The following DEFB1 variants were observed in gnomAD, a reference collection of about 807,000 sequenced individuals.
The protein encoded by DEFB1 is beta-defensin 1.
In DEFB1, 4 loss-of-function variants were observed where a neutral mutation model predicts 2.6. That is an observed-to-expected ratio of 1.53 (90% CI 0.76 to 3.51). The LOEUF is 3.51. DEFB1 is among the 30% of genes most tolerant of loss of function. The pLI is 0.01. For missense variants in DEFB1, 162 were observed against 76.9 expected, an observed-to-expected ratio of 2.11 and a Z score of -4.14; for synonymous variants, 56 against 28.5, an observed-to-expected ratio of 1.96 and a Z score of -3.07.
chr8:6,877,704 C>G, intron 1 of DEFB1, 93 bp downstream of exon 1: 2 of 1,159,268 alleles, frequency 1.7e-6, no homozygotes, highest in Non-Finnish European at 2.6e-6. Context: ...GTTCCTCGTC[C>G]CTTGGGACAC....
chr8:6,872,357 C>T (rs747349548), intron 1 of DEFB1, among the ~76,000 whole-genome samples: 9 of 152,252 alleles, frequency 5.9e-5, no homozygotes, highest in Middle Eastern at 3.2e-3. Context: ...ATTGCAAGTG[C>T]TCACGAGCAC....
At chr8:6,873,078 G>T (rs566943839) in intron 1 of DEFB1, among the ~76,000 whole-genome samples, 3 of 152,230 alleles carry the variant, frequency 2.0e-5, no homozygotes, top group African/African-American at 7.2e-5. Context: ...TATATATGCT[G>T]ATTAAGCAGA....
intron 1 of DEFB1, among the ~76,000 whole-genome samples, chr8:6,871,363 G>GT (rs924152062): frequency 1.1e-4 from 17 of 151,574 alleles, no homozygotes; most frequent in African/African-American, 3.4e-4. Context: ...AACTTTCATA[G>GT]TTTTTTTTTC....
intron 1 of DEFB1, among the ~76,000 whole-genome samples, chr8:6,871,301 G>T (rs1318518399): frequency 1.3e-5 from 2 of 152,106 alleles, no homozygotes; most frequent in African/African-American, 2.4e-5. Flanking sequence ...CACTATTTCA[G>T]CTGAAATCTA....
intron 1 of DEFB1, among the ~76,000 whole-genome samples, chr8:6,875,383 G>A (rs1262923796): frequency 6.6e-6 from 1 of 152,072 alleles, no homozygotes; most frequent in Non-Finnish European, 1.5e-5. Context: ...ATTGACAAAA[G>A]GCTTGCATAG....
chr8:6,870,683 A>C lies in DEFB1; in HGVS notation c.205T>G (p.Ter69GlyextTer8). The C allele has an allele frequency of 2.5e-6, 4 of 1,613,666 alleles. No homozygotes were observed. The highest frequency in any genetic ancestry group is 3.3e-5 in the Admixed American group (2 of 59,862). The change falls in exon 2 of 2, where the codon TGA (stop) becomes GGA (glycine). Residue 69 changes from the stop codon to glycine (G), a stop_lost. Transcript: ENST00000297439. ...CYRGKAKCCK[*>G] Reference sequence around the variant, plus strand: ...CATTTCTTCTGGTCACTCCCAGCTCACTTGCAGCACTTGGCCTTCCCTCTG... The same window carrying C: ...CATTTCTTCTGGTCACTCCCAGCTCCCTTGCAGCACTTGGCCTTCCCTCTG...
At chr8:6,875,966 A>G (rs1806511258) in intron 1 of DEFB1, among the ~76,000 whole-genome samples, 1 of 152,212 alleles carries the variant, frequency 6.6e-6, no homozygotes, top group East Asian at 1.9e-4. Context: ...ATAGCTTCTC[A>G]TAATTCAATT....
rs182462098 is a variant in DEFB1, at chr8:6,872,904, G to A, written c.62-2078C>T. ...TCCCAGTGCTGGAAAGATACTTAGA[G>A]GATGCCTACTCCAACCCACACTGCG... is the stretch of plus-strand genomic sequence containing the variant. On this transcript the variant is annotated intron_variant, in intron 1 of 1. Coordinates refer to ENST00000297439, the MANE Select transcript of DEFB1 (RefSeq NM_005218.4). Among the ~76,000 whole-genome samples the A allele has an allele frequency of 2.6e-5, 4 of 152,310 alleles. No homozygotes were observed. The East Asian group carries it at 7.7e-4, about 29-fold the overall frequency.
chr8:6,875,078 A>G (rs1019338939), intron 1 of DEFB1, among the ~76,000 whole-genome samples: 2 of 150,506 alleles, frequency 1.3e-5, no homozygotes, highest in Non-Finnish European at 3.0e-5. Context: ...ACACACACAC[A>G]CACACACACA....
At chr8:6,872,389 A>G (rs1483827063) in intron 1 of DEFB1, among the ~76,000 whole-genome samples, 1 of 152,224 alleles carries the variant, frequency 6.6e-6, no homozygotes, top group Non-Finnish European at 1.5e-5. Context: ...TGGGTGCTGC[A>G]TTCATTGAAC....
intron 1 of DEFB1, among the ~76,000 whole-genome samples, chr8:6,877,081 G>T (rs905010406): frequency 3.3e-5 from 5 of 152,138 alleles, no homozygotes; most frequent in African/African-American, 1.2e-4. Flanking sequence ...CCCTCATTCT[G>T]CAGATGAATA....
intron 1 of DEFB1, among the ~76,000 whole-genome samples, chr8:6,874,965 G>C (rs922274260): frequency 1.4e-5 from 2 of 140,970 alleles, no homozygotes; most frequent in African/African-American, 2.7e-5. Context: ...CTGGGTGACA[G>C]AGCGAGACTC....
chr8:6,873,443 C>G (rs1419126907), intron 1 of DEFB1, among the ~76,000 whole-genome samples: 5 of 152,208 alleles, frequency 3.3e-5, no homozygotes, highest in Non-Finnish European at 2.9e-5. Flanking sequence ...CACATCTAAT[C>G]TACTGTGTGA....
At chr8:6,876,032 C>G (rs1806514533) in intron 1 of DEFB1, among the ~76,000 whole-genome samples, 2 of 152,092 alleles carry the variant, frequency 1.3e-5, no homozygotes, top group African/African-American at 2.4e-5. Context: ...GCCTTTCAAA[C>G]CCTTTTGAGT....
chr8:6,870,755 G>T lies in DEFB1; in HGVS notation c.133C>A (p.Leu45Ile). The change falls in exon 2 of 2, where the codon CTC becomes ATC. Residue 45 changes from leucine (L) to isoleucine (I), a missense_variant. By Grantham distance (5) the Leu-to-Ile change is conservative. Coordinates refer to ENST00000297439, the MANE Select transcript of DEFB1 (RefSeq NM_005218.4). ...GTAAAGATCGGGCAGGCAGAATAGAGACATTGCCCTCCACTGCTGACGCAA... is the reference window on the plus strand; with the variant it reads ...GTAAAGATCGGGCAGGCAGAATAGATACATTGCCCTCCACTGCTGACGCAA... ...YNCVSSGGQC[L>I]YSACPIFTKI... 1 of 1,614,252 alleles carries T rather than the reference G, an allele frequency of 6.2e-7. No individual in the cohort carries two copies. The highest frequency in any genetic ancestry group is 8.5e-7 in the Non-Finnish European group (1 of 1,180,056).
chr8:6,876,751 C>T (rs1010778570), intron 1 of DEFB1, among the ~76,000 whole-genome samples: 31 of 147,458 alleles, frequency 2.1e-4, no homozygotes, highest in African/African-American at 6.6e-4. Flanking sequence ...TGCAGTGAGG[C>T]GAGATCACAC....
At chr8:6,871,373 C>A (rs970143321) in intron 1 of DEFB1, among the ~76,000 whole-genome samples, 45 of 151,736 alleles carry the variant, frequency 3.0e-4, no homozygotes, top group African/African-American at 1.1e-3. Flanking sequence ...GTTTTTTTTT[C>A]TACTTGGACT....
At position 6,877,241 on chromosome 8, in the gene DEFB1, C is replaced by T. The variant is rs5743424; in HGVS notation, c.61+556G>A. Among the ~76,000 whole-genome samples the T allele has an allele frequency of 9.0e-3, 1,368 of 152,356 alleles. 24 individuals are homozygous for T. Among genetic ancestry groups the T allele is most frequent in the African/African-American group, 0.031 (1,303 of 41,574 alleles). Reference sequence around the variant, plus strand: ...TGACATACACCTGGCTCACAGGAAGCCCCCTCCTATTGACTGGGGAGACTG... The same window carrying T: ...TGACATACACCTGGCTCACAGGAAGTCCCCTCCTATTGACTGGGGAGACTG... On this transcript the variant is annotated intron_variant, in intron 1 of 1. Coordinates refer to ENST00000297439, the MANE Select transcript of DEFB1 (RefSeq NM_005218.4).
At chr8:6,876,466 G>A (rs537864847) in intron 1 of DEFB1, among the ~76,000 whole-genome samples, 155 of 152,004 alleles carry the variant, frequency 1.0e-3, no homozygotes, top group Non-Finnish European at 1.7e-3. Context: ...GACAGAGCAA[G>A]ACTCCATCTC....
Sources: allele counts gnomAD v4.1 joint callset (sites outside exome capture counted in the v4.1 genomes callset), GRCh38; gene constraint gnomAD v4.1.1; transcripts MANE v1.5; gene names NCBI Gene and HGNC (gene_info 2026-07-23, HGNC 2026-07-21).